The following SLC25A16 variants were observed in gnomAD, a reference collection of about 807,000 sequenced individuals.
The protein encoded by SLC25A16 is mitochondrial coenzyme A transporter SLC25A16.
Under a neutral mutation model 41.5 loss-of-function variants are expected in SLC25A16, and 39 were observed. The observed-to-expected ratio is 0.94, with a 90% confidence interval of 0.73 to 1.23. SLC25A16 has a LOEUF of 1.23. SLC25A16 is among the 50% of genes most tolerant of loss of function. SLC25A16 has a pLI of 0.00. For synonymous variants in SLC25A16, 146 were observed against 147.8 expected, an observed-to-expected ratio of 0.99 and a Z score of 0.09; for missense variants, 421 against 426.9, an observed-to-expected ratio of 0.99 and a Z score of 0.12.
At chr10:68,510,439 G>A (rs2053041799) in intron 2 of SLC25A16, among the ~76,000 whole-genome samples, 1 of 152,096 alleles carries the variant, frequency 6.6e-6, no homozygotes, top group Non-Finnish European at 1.5e-5. Context: ...CTACTCGGGA[G>A]GCTGAGGCAG....
At chr10:68,485,866 C>T (rs1209608061) in intron 8 of SLC25A16, among the ~76,000 whole-genome samples, 142 of 147,464 alleles carry the variant, frequency 9.6e-4, no homozygotes, top group African/African-American at 3.4e-3. Flanking sequence ...GGTGCGATCT[C>T]GGCTCACTGC....
At position 68,515,801 on chromosome 10, in the gene SLC25A16, A is replaced by AAAATAAAT. The variant is rs56896620; in HGVS notation, c.223+942_223+949dup. ...CAACAAGAGCGAAACTCTGCCTCAAAAAATAAATAAATAAATAAATAAATA... is the reference window on the plus strand; with the variant it reads ...CAACAAGAGCGAAACTCTGCCTCAAAAAATAAATAAATAAATAAATAAATAAATAAATA... On this transcript the variant is annotated intron_variant, in intron 2 of 8. Coordinates refer to ENST00000609923, the MANE Select transcript of SLC25A16 (RefSeq NM_152707.4). Among the ~76,000 whole-genome samples, 3 of 151,546 alleles carry AAAATAAAT rather than the reference A, an allele frequency of 2.0e-5. 1 individual carries two copies. In the East Asian group the frequency reaches 5.8e-4, roughly 29 times the overall value.
Position 68,493,581 on chromosome 10 carries a change from A to G in SLC25A16, c.422-11T>C, listed in dbSNP as rs541329894. 14 of 1,608,882 alleles carry G rather than the reference A, an allele frequency of 8.7e-6. No homozygotes were observed. In the South Asian group the frequency reaches 1.2e-4, roughly 14 times the overall value. ...TAACTGCTGTCATACCTGAAAAGAA[A>G]GTAGAAATTTAGAGGTACAATGAAT... On this transcript the variant is annotated splice_polypyrimidine_tract_variant and intron_variant, in intron 4 of 8. Coordinates refer to ENST00000609923, the MANE Select transcript of SLC25A16 (RefSeq NM_152707.4).
chr10:68,526,115 A>G (rs1399210711), intron 1 of SLC25A16, among the ~76,000 whole-genome samples: 5 of 151,914 alleles, frequency 3.3e-5, no homozygotes, highest in East Asian at 1.9e-4. Flanking sequence ...GAGGATTAGT[A>G]TAAGAGGAAG....
chr10:68,506,072 A>G (rs1423203244), intron 3 of SLC25A16, among the ~76,000 whole-genome samples: 1 of 151,600 alleles, frequency 6.6e-6, no homozygotes, highest in Non-Finnish European at 1.5e-5. Flanking sequence ...AATAACTCAT[A>G]AATGACTAAC....
At position 68,481,033 on chromosome 10, in the gene SLC25A16, G is replaced by C. The variant is rs1161094454; in HGVS notation, c.*2399C>G. 6.6e-6 allele frequency: 1 copy of C among 151,672 alleles called. No individual in the cohort carries two copies. The highest frequency in any genetic ancestry group is 1.5e-5 in the Non-Finnish European group (1 of 67,992). 9.4% of individuals were successfully genotyped at this position (151,672 alleles called of 1,614,324 possible). On this transcript the variant is annotated 3_prime_UTR_variant, in exon 9 of 9. Transcript: ENST00000609923. ...GGCTTTTATACAGCCACCCAGGCTG[G>C]AGTGCAATGGCGCAATCTTGGCTCA...
rs535803976 is a variant in SLC25A16, at chr10:68,493,360, G to A, written c.543+89C>T. 3 of 1,244,938 alleles carry A rather than the reference G, an allele frequency of 2.4e-6. No homozygotes were observed. In the African/African-American group the frequency reaches 4.6e-5, roughly 19 times the overall value. 77.1% of individuals were successfully genotyped at this position (1,244,938 alleles called of 1,614,324 possible). A position where few individuals can be genotyped will look rare whatever the true frequency, so the allele number is the denominator to read the frequency against. ...TTGTTATTAACATCAATAATTATAA[G>A]TAAAAGAATAATTACTTATATGACA... On this transcript the variant is annotated intron_variant, in intron 5 of 8. Transcript: ENST00000609923.
chr10:68,500,510 G>A (rs948616978), intron 4 of SLC25A16, among the ~76,000 whole-genome samples: 3 of 151,886 alleles, frequency 2.0e-5, no homozygotes, highest in African/African-American at 7.2e-5. Context: ...GTTTCACCAT[G>A]TTGGCTAGGC....
chr10:68,487,018 C>T (rs1220285521), intron 8 of SLC25A16, 126 bp downstream of exon 8: 1 of 491,162 alleles, frequency 2.0e-6, no homozygotes, highest in African/African-American at 2.1e-5. Flanking sequence ...TATAAAGTTA[C>T]CAAAATAAAC....
intron 2 of SLC25A16, among the ~76,000 whole-genome samples, chr10:68,512,909 G>A (rs1160248045): frequency 6.6e-6 from 1 of 151,936 alleles, no homozygotes; most frequent in Admixed American, 6.6e-5. Flanking sequence ...CGTGGTGGCG[G>A]GTGCCCGTAA....
intron 2 of SLC25A16, among the ~76,000 whole-genome samples, chr10:68,514,165 C>A (rs968351419): frequency 6.6e-6 from 1 of 152,022 alleles, no homozygotes; most frequent in African/African-American, 2.4e-5. Flanking sequence ...AGTACTCCAG[C>A]CTCTGGGCGA....
chr10:68,501,176 A>G (rs995694591), intron 4 of SLC25A16, among the ~76,000 whole-genome samples: 1 of 151,642 alleles, frequency 6.6e-6, no homozygotes. Flanking sequence ...GCTTGAACCC[A>G]GGAGGTGGGG....
chr10:68,500,912 C>A (rs1464815312), intron 4 of SLC25A16, among the ~76,000 whole-genome samples: 3 of 151,726 alleles, frequency 2.0e-5, no homozygotes, highest in Non-Finnish European at 4.4e-5. Flanking sequence ...GCCTGGGCGA[C>A]AGAGGGAGAC....
intron 6 of SLC25A16, among the ~76,000 whole-genome samples, chr10:68,491,672 C>T (rs55849839): frequency 0.038 from 5,836 of 152,226 alleles, 159 homozygotes; most frequent in South Asian, 0.09. Flanking sequence ...TGCTTAAGTT[C>T]CACACTACCA....
In SLC25A16 at chr10:68,527,228, T is replaced by C. The variant is rs1406368302; in HGVS notation, c.130+18A>G. Reference sequence around the variant, plus strand: ...CCGCCACTCAGAGCGCGGCTGGCTCTTCGTGGCATGGACCCACCTCCGGCC... The same window carrying C: ...CCGCCACTCAGAGCGCGGCTGGCTCCTCGTGGCATGGACCCACCTCCGGCC... On this transcript the variant is annotated intron_variant, in intron 1 of 8. Transcript: ENST00000609923. 6.5e-7 allele frequency: 1 copy of C among 1,544,990 alleles called. No homozygotes were observed. Among genetic ancestry groups the C allele is most frequent in the East Asian group, 2.5e-5 (1 of 39,896 alleles).
At position 68,487,131 on chromosome 10, in the gene SLC25A16, A is replaced by C; in HGVS notation, c.842+13T>G. ...TCCTAAAGAAAATGAACAATGACAT[A>C]TGATGAACTTACAGGCACTTTTCAA... On this transcript the variant is annotated intron_variant, in intron 8 of 8. Transcript: ENST00000609923. 3 of 1,603,156 alleles carry C rather than the reference A, an allele frequency of 1.9e-6. No homozygotes were observed. Among genetic ancestry groups the C allele is most frequent in the Non-Finnish European group, 2.6e-6 (3 of 1,170,468 alleles).
At chr10:68,504,444 T>TG (rs895128676) in intron 3 of SLC25A16, among the ~76,000 whole-genome samples, 2 of 150,754 alleles carry the variant, frequency 1.3e-5, no homozygotes, top group African/African-American at 4.9e-5. Context: ...TTTTTTTTGT[T>TG]TTTTTTTTTG....
At chr10:68,487,386 T>G (rs2052582941) in intron 7 of SLC25A16, among the ~76,000 whole-genome samples, 174 bp from the exon 8 acceptor site, 1 of 152,124 alleles carries the variant, frequency 6.6e-6, no homozygotes, top group Non-Finnish European at 1.5e-5. Flanking sequence ...AATACAGAAG[T>G]CTTTGCTTAT....
rs576052530 is a variant in SLC25A16, at chr10:68,524,234, C to T, written c.130+3012G>A. Among the ~76,000 whole-genome samples the T allele has an allele frequency of 2.6e-4, 37 of 142,320 alleles. No homozygotes were observed. The East Asian group carries it at 5.9e-3, about 23-fold the overall frequency. 93.4% of individuals were successfully genotyped at this position (142,320 alleles called of 152,430 possible). On this transcript the variant is annotated intron_variant, in intron 1 of 8. Coordinates refer to ENST00000609923, the MANE Select transcript of SLC25A16 (RefSeq NM_152707.4). ...CTGAGGCAGGAGAATGGCGTGAACC[C>T]GGGAGGCAGAGATGAGATTGCAGTG...
Sources: allele counts gnomAD v4.1 joint callset (sites outside exome capture counted in the v4.1 genomes callset), GRCh38; gene constraint gnomAD v4.1.1; transcripts MANE v1.5; gene names NCBI Gene and HGNC (gene_info 2026-07-23, HGNC 2026-07-21).